Variants in CALD1 observed in about 807,000 individuals in gnomAD.
CALD1 encodes the protein caldesmon 1, also known as caldesmon.
A neutral mutation model predicts 99.9 loss-of-function variants in CALD1; 33 were observed. The ratio of observed to expected loss-of-function variants is 0.33; its 90% confidence interval spans 0.25 to 0.44. CALD1 has a LOEUF of 0.44. Ranked by LOEUF, CALD1 falls within the 20% of genes least tolerant of loss-of-function variation. The pLI is 1.00. For synonymous variants in CALD1, 310 were observed against 325.0 expected, an observed-to-expected ratio of 0.95 and a Z score of 0.50; for missense variants, 861 against 962.1, an observed-to-expected ratio of 0.89 and a Z score of 1.39.
chr7:134,734,088 C>T, the CALD1 span, among the ~76,000 whole-genome samples: 2 of 152,048 alleles, frequency 1.3e-5, no homozygotes, highest in African/African-American at 4.8e-5. Context: ...TGAAGCTGGT[C>T]ATCACACAGG....
rs776724304 is a variant in CALD1 at position 134,935,757 on chromosome 7, AAAG to A, written c.1383_1385del (p.Glu462del). The A allele has an allele frequency of 1.6e-4, 252 of 1,593,052 alleles. 3 individuals carry two copies. Among genetic ancestry groups the A allele is most frequent in the South Asian group, 4.4e-4 (38 of 86,576 alleles). On this transcript the variant is annotated inframe_deletion, in exon 6 of 15. Transcript: ENST00000361675. ...CCAAGAAGACAAGCCTACCTTCAAA[AAAG>A]AAGAGGTAAATATGATTGAAAAGTA...
intron 9 of CALD1, among the ~76,000 whole-genome samples, chr7:134,951,371 A>C (rs1405173621): frequency 6.6e-6 from 1 of 152,258 alleles, no homozygotes; most frequent in Non-Finnish European, 1.5e-5. Context: ...TTCGGTGATT[A>C]TCTCTCAATT....
At chr7:134,870,873 C>A (rs1801040430) in intron 3 of CALD1, among the ~76,000 whole-genome samples, 1 of 152,122 alleles carries the variant, frequency 6.6e-6, no homozygotes, top group Non-Finnish European at 1.5e-5. Context: ...CCATGACCAC[C>A]CTTCAGGATT....
chr7:134,883,995 G>A (rs1801730886), intron 3 of CALD1, among the ~76,000 whole-genome samples: 1 of 152,176 alleles, frequency 6.6e-6, no homozygotes, highest in South Asian at 2.1e-4. Flanking sequence ...CCAGCTACCT[G>A]GGAGGCTGAG....
chr7:134,718,232 A>C, the CALD1 span, among the ~76,000 whole-genome samples: 34 of 152,206 alleles, frequency 2.2e-4, no homozygotes, highest in Non-Finnish European at 3.7e-4. Context: ...GGATTGTGTG[A>C]ATTTACACTA....
chr7:134,821,936 ACTCT>A (rs1385785798), intron 1 of CALD1: 1 of 150,186 alleles, frequency 6.7e-6, no homozygotes. Context: ...GAGATAGTTG[ACTCT>A]CTCTCTCTTC....
chr7:134,851,864 A>G (rs1377530178), intron 2 of CALD1, among the ~76,000 whole-genome samples: 2 of 152,234 alleles, frequency 1.3e-5, no homozygotes, highest in Non-Finnish European at 2.9e-5. Flanking sequence ...ATGTGCCCAG[A>G]AGAAGTAAAA....
chr7:134,856,442 A>C (rs1487478920), intron 2 of CALD1, among the ~76,000 whole-genome samples: 2 of 152,182 alleles, frequency 1.3e-5, no homozygotes, highest in South Asian at 2.1e-4. Flanking sequence ...TATGTTTCTA[A>C]TTACTGAGCA....
At chr7:134,791,968 T>A (rs1303115245) in intron 1 of CALD1, among the ~76,000 whole-genome samples, 1 of 152,184 alleles carries the variant, frequency 6.6e-6, no homozygotes, top group African/African-American at 2.4e-5. Context: ...ACCACGAGAA[T>A]AGTATGGGGG....
At chr7:134,961,519 CT>C in intron 13 of CALD1, 1 of 152,162 alleles carries the variant, frequency 6.6e-6, no homozygotes. Context: ...CATTTGTTGG[CT>C]CCATATATAA....
intron 1 of CALD1, among the ~76,000 whole-genome samples, chr7:134,799,935 C>A (rs1031296103): frequency 1.3e-5 from 2 of 151,454 alleles, no homozygotes; most frequent in Non-Finnish European, 2.9e-5. Flanking sequence ...TAAGAAAGGG[C>A]CAAGAGGATG....
chr7:134,823,497 C>G (rs1361107298), intron 1 of CALD1, among the ~76,000 whole-genome samples: 1 of 152,032 alleles, frequency 6.6e-6, no homozygotes, highest in Admixed American at 6.6e-5. Flanking sequence ...GTGTTCTTTT[C>G]CCCCCGTCTT....
At chr7:134,723,843 G>A in the CALD1 span, among the ~76,000 whole-genome samples, 1 of 152,108 alleles carries the variant, frequency 6.6e-6, no homozygotes, top group East Asian at 1.9e-4. Context: ...TAGCCAGTTG[G>A]ACAAAATCAT....
intron 1 of CALD1, among the ~76,000 whole-genome samples, chr7:134,780,890 A>AT (rs1797080152): frequency 6.6e-6 from 1 of 152,182 alleles, no homozygotes; most frequent in Non-Finnish European, 1.5e-5. Context: ...AAATCTGATG[A>AT]TTTTTTAGTA....
the CALD1 span, among the ~76,000 whole-genome samples, chr7:134,730,844 T>A: frequency 1.3e-5 from 2 of 152,082 alleles, no homozygotes; most frequent in Non-Finnish European, 2.9e-5. Context: ...GGGGGAGACA[T>A]CCAGCTTTAG....
chr7:134,882,932 G>A (rs892590309), intron 3 of CALD1, among the ~76,000 whole-genome samples: 3 of 152,064 alleles, frequency 2.0e-5, no homozygotes, highest in South Asian at 2.1e-4. Context: ...CAGTAAAGTC[G>A]AGCATTTTTA....
intron 1 of CALD1, among the ~76,000 whole-genome samples, chr7:134,808,203 C>A (rs1250937635): frequency 2.0e-5 from 3 of 151,334 alleles, no homozygotes; most frequent in Non-Finnish European, 4.4e-5. Flanking sequence ...TGGGCTCAAG[C>A]AATCCTCCCA....
At chr7:134,929,518 T>C (rs537568551) in intron 4 of CALD1, among the ~76,000 whole-genome samples, 3 of 149,678 alleles carry the variant, frequency 2.0e-5, no homozygotes, top group African/African-American at 7.4e-5. Flanking sequence ...CCTGAGTTAC[T>C]TCACTTCAAA....
intron 2 of CALD1, 65 bp from the exon 3 acceptor site, chr7:134,867,627 AT>A: frequency 1.8e-6 from 1 of 569,566 alleles, no homozygotes; most frequent in East Asian, 3.1e-5. Context: ...AAGAGGGCCC[AT>A]AGTAACTCAG....
Sources: allele counts gnomAD v4.1 joint callset (sites outside exome capture counted in the v4.1 genomes callset), GRCh38; gene constraint gnomAD v4.1.1; transcripts MANE v1.5; gene names NCBI Gene and HGNC (gene_info 2026-07-23, HGNC 2026-07-21).